The following ADGRL2 variants were observed in gnomAD, a reference collection of about 807,000 sequenced individuals.
ADGRL2 encodes calcium-independent alpha-latrotoxin receptor 2.
In ADGRL2, 44 loss-of-function variants were observed where a neutral mutation model predicts 157.4. The observed-to-expected ratio is 0.28, with a 90% CI of 0.22 to 0.36. The LOEUF (loss-of-function observed/expected upper bound fraction) is 0.36. Among genes scored for constraint, ADGRL2 ranks in the 10% least tolerant of loss-of-function variants. ADGRL2 has a pLI of 1.00. For missense variants in ADGRL2, 1,510 were observed against 1,768.9 expected (o/e 0.85, Z 2.63); for synonymous variants, 585 against 624.7 (o/e 0.94, Z 0.95).
intron 1 of ADGRL2, among the ~76,000 whole-genome samples, chr1:81,819,327 T>C (rs1400324573): frequency 1.3e-5 from 2 of 152,084 alleles, no homozygotes; most frequent in Non-Finnish European, 1.5e-5. Flanking sequence ...GCCAAGTCTT[T>C]TATGTATTCC....
chr1:81,694,921 T>A (rs1016645047), upstream of ADGRL2, among the ~76,000 whole-genome samples: 1 of 152,180 alleles, frequency 6.6e-6, no homozygotes, highest in Admixed American at 6.6e-5. Flanking sequence ...CATATATGCA[T>A]CCCTTTTAGT....
intron 1 of ADGRL2, among the ~76,000 whole-genome samples, chr1:81,834,867 C>T (rs555704349): frequency 1.3e-5 from 2 of 152,256 alleles, no homozygotes; most frequent in South Asian, 4.1e-4. Flanking sequence ...TTCACATTCT[C>T]AAACCTTCAG....
At chr1:81,579,330 G>A (rs924140638) in intron 2 of ADGRL2, 1 of 152,130 alleles carries the variant, frequency 6.6e-6, no homozygotes, top group Non-Finnish European at 1.5e-5. Context: ...AATACGAGGG[G>A]ATGTGTATCT....
intron 1 of ADGRL2, among the ~76,000 whole-genome samples, chr1:81,755,164 A>ATATC (rs2085642642): frequency 6.9e-6 from 1 of 144,200 alleles, no homozygotes. Flanking sequence ...ATATATATAT[A>ATATC]TTTAAAGATA....
intron 1 of ADGRL2, among the ~76,000 whole-genome samples, chr1:81,711,286 T>C (rs975799154): frequency 6.6e-6 from 1 of 152,218 alleles, no homozygotes; most frequent in African/African-American, 2.4e-5. Context: ...TTAAAAAATA[T>C]CTGCACAGCA....
intron 1 of ADGRL2, among the ~76,000 whole-genome samples, chr1:81,730,362 T>C (rs903089603): frequency 5.9e-5 from 9 of 152,152 alleles, no homozygotes; most frequent in African/African-American, 2.2e-4. Flanking sequence ...AAAATTTAAA[T>C]TTACTAATTA....
chr1:81,423,752 C>A (rs946771702), intron 1 of ADGRL2, among the ~76,000 whole-genome samples: 2 of 152,144 alleles, frequency 1.3e-5, no homozygotes, highest in African/African-American at 4.8e-5. Context: ...TAAAAAGGAA[C>A]CACGTAATTA....
chr1:81,481,874 A>T (rs192210980), intron 2 of ADGRL2, among the ~76,000 whole-genome samples: 2 of 152,096 alleles, frequency 1.3e-5, no homozygotes, highest in Admixed American at 6.6e-5. Context: ...CTTTGCCTCC[A>T]TCTCACACAG....
intron 2 of ADGRL2, among the ~76,000 whole-genome samples, chr1:81,900,775 T>C (rs1432766198): frequency 1.9e-4 from 29 of 152,178 alleles, no homozygotes; most frequent in Admixed American, 1.7e-3. Flanking sequence ...TTTAATACTC[T>C]TTCTAACATA....
chr1:81,708,941 G>T (rs1488619053), intron 1 of ADGRL2, among the ~76,000 whole-genome samples: 2 of 151,942 alleles, frequency 1.3e-5, no homozygotes, highest in African/African-American at 4.8e-5. Context: ...TATTTTCCAA[G>T]GAGACAGGAA....
intron 1 of ADGRL2, among the ~76,000 whole-genome samples, chr1:81,309,223 A>G (rs187599264): frequency 6.6e-6 from 1 of 152,230 alleles, no homozygotes; most frequent in African/African-American, 2.4e-5. Flanking sequence ...GTAATACCGT[A>G]TATATTTCCT....
chr1:81,472,855 T>G (rs1056557994), intron 2 of ADGRL2, among the ~76,000 whole-genome samples: 8 of 152,144 alleles, frequency 5.3e-5, no homozygotes, highest in Admixed American at 3.3e-4. Flanking sequence ...ATACTGCAAG[T>G]TGGTAACATT....
intron 3 of ADGRL2, among the ~76,000 whole-genome samples, chr1:81,685,098 G>T (rs1209845585): frequency 6.6e-6 from 1 of 152,086 alleles, no homozygotes; most frequent in African/African-American, 2.4e-5. Flanking sequence ...TTTTTGCTTA[G>T]TCTTGCTTTG....
Position 81,992,617 on chromosome 1 carries a change from G to C in ADGRL2, c.*1472G>C, listed in dbSNP as rs1235406874. On this transcript the variant is annotated 3_prime_UTR_variant, in exon 24 of 24. Coordinates refer to ENST00000686636, the MANE Select transcript of ADGRL2 (RefSeq NM_001366006.2). ...CACTACATATGCACAAAATCTGCTG[G>C]ATAAGTTTTAAGAGGGATATATTCT... Among the ~76,000 whole-genome samples, 1 of 152,078 alleles carries C rather than the reference G, an allele frequency of 6.6e-6. No individual in the cohort carries two copies. Among genetic ancestry groups the C allele is most frequent in the Non-Finnish European group, 1.5e-5 (1 of 68,024 alleles).
At chr1:81,343,092 C>CTTTTTTTTTTTTTTTTTTTT in intron 1 of ADGRL2, among the ~76,000 whole-genome samples, 1 of 131,144 alleles carries the variant, frequency 7.6e-6, no homozygotes, top group Non-Finnish European at 1.6e-5. Flanking sequence ...TTTTTCTTTT[C>CTTTTTTTTTTTTTTTTTTTT]TTTTTTTTTT....
chr1:81,357,360 A>G (rs763819682), intron 1 of ADGRL2, among the ~76,000 whole-genome samples: 10 of 152,146 alleles, frequency 6.6e-5, no homozygotes, highest in Non-Finnish European at 1.0e-4. Flanking sequence ...AGCCTCCCCC[A>G]ACCTGTAAGT....
chr1:81,720,801 T>C (rs1226938728), intron 1 of ADGRL2, among the ~76,000 whole-genome samples: 1 of 151,512 alleles, frequency 6.6e-6, no homozygotes, highest in African/African-American at 2.4e-5. Flanking sequence ...ATAACACCTA[T>C]ATATCAATAA....
chr1:81,409,867 AC>A (rs1284462993), intron 1 of ADGRL2, among the ~76,000 whole-genome samples: 2 of 152,186 alleles, frequency 1.3e-5, no homozygotes, highest in African/African-American at 4.8e-5. Flanking sequence ...GAGAGCACAG[AC>A]ACTTTGAAAA....
intron 2 of ADGRL2, among the ~76,000 whole-genome samples, chr1:81,861,269 C>T (rs1304954552): frequency 1.3e-5 from 2 of 152,160 alleles, no homozygotes; most frequent in African/African-American, 4.8e-5. Flanking sequence ...GATCCACCCA[C>T]CTTGGCTTCC....
Sources: gnomAD v4.1 joint callset for allele counts (sites outside exome capture counted in the v4.1 genomes callset) on GRCh38, gnomAD v4.1.1 for gene constraint, MANE v1.5 for transcripts, NCBI Gene and HGNC (gene_info 2026-07-23, HGNC 2026-07-21) for gene names.